SMYD3: variants seen among roughly 807,000 people sequenced by gnomAD.
SMYD3 encodes the protein SET and MYND domain containing 3.
In SMYD3, 36 loss-of-function variants were observed where a neutral mutation model predicts 57.7. That is an observed-to-expected ratio of 0.62 (90% CI 0.48 to 0.82). The LOEUF (loss-of-function observed/expected upper bound fraction) is 0.82, where lower values mean the gene tolerates loss of function less well. Ranked by LOEUF, SMYD3 falls within the 40% of genes least tolerant of loss-of-function variation. SMYD3 has a pLI of 0.00. For synonymous variants in SMYD3, 211 were observed against 195.0 expected (o/e 1.08, Z -0.68); for missense variants, 515 against 538.8 (o/e 0.96, Z 0.44).
chr1:245,858,448 A>C lies in SMYD3; in HGVS notation c.1076+48T>G, dbSNP rs376292302. On this transcript the variant is annotated intron_variant, in intron 10 of 11. Transcript: ENST00000490107. ...CTTCACAACATGGATCCTTTGCCCA[A>C]CGTGAAGACGTCCTAGCCCTTATGT... 7.8e-6 allele frequency: 12 copies of C among 1,545,042 alleles called. No individual in the cohort carries two copies. The East Asian group carries it at 2.5e-4, about 32-fold the overall frequency.
intron 5 of SMYD3, among the ~76,000 whole-genome samples, chr1:246,002,951 C>T (rs968222649): frequency 7.2e-5 from 11 of 152,188 alleles, no homozygotes; most frequent in African/African-American, 2.2e-4. Flanking sequence ...CATTCTTCGG[C>T]CTCACTGCAT....
intron 5 of SMYD3, among the ~76,000 whole-genome samples, chr1:245,987,917 A>G (rs1262540733): frequency 2.0e-5 from 3 of 152,160 alleles, no homozygotes; most frequent in Non-Finnish European, 4.4e-5. Context: ...AAAAAAGAAA[A>G]TCCAGTTTCT....
chr1:246,214,567 G>A (rs1313279247), intron 5 of SMYD3, among the ~76,000 whole-genome samples: 1 of 152,102 alleles, frequency 6.6e-6, no homozygotes. Context: ...AAAATAGCAT[G>A]CCAAAGTAAG....
intron 9 of SMYD3, among the ~76,000 whole-genome samples, chr1:245,862,361 C>T (rs1262871213): frequency 6.6e-6 from 1 of 152,068 alleles, no homozygotes; most frequent in East Asian, 1.9e-4. Context: ...TACTAAAGCC[C>T]TAAATTTTTT....
chr1:246,156,990 G>C (rs1017072968), intron 5 of SMYD3, among the ~76,000 whole-genome samples: 4 of 150,778 alleles, frequency 2.7e-5, no homozygotes, highest in African/African-American at 9.9e-5. Context: ...GGGATGCTAG[G>C]AGGTACGAGG....
Position 245,759,203 on chromosome 1 carries a change from A to G in SMYD3, c.1185+4838T>C, listed in dbSNP as rs529890741. Among the ~76,000 whole-genome samples the G allele has an allele frequency of 5.3e-5, 8 of 152,302 alleles. No homozygotes were observed. The South Asian group carries it at 1.7e-3, about 32-fold the overall frequency. ...AACTATTATTCTCTATTTGGAGGTC[A>G]GTAGGAATCACTCATAAATATTAGA... On this transcript the variant is annotated intron_variant, in intron 11 of 11. Transcript: ENST00000490107.
At chr1:245,945,240 G>C (rs2057393096) in intron 5 of SMYD3, among the ~76,000 whole-genome samples, 2 of 152,072 alleles carry the variant, frequency 1.3e-5, no homozygotes, top group African/African-American at 4.8e-5. Flanking sequence ...TCTAACAATG[G>C]TCTAATGTCC....
chr1:245,849,663 T>TTTG (rs1356969226), intron 10 of SMYD3, among the ~76,000 whole-genome samples: 3 of 151,938 alleles, frequency 2.0e-5, no homozygotes, highest in Non-Finnish European at 4.4e-5. Context: ...TATTATTTAT[T>TTTG]TTATTTTGAG....
chr1:245,772,780 G>T (rs769443009), intron 10 of SMYD3, among the ~76,000 whole-genome samples: 7 of 152,168 alleles, frequency 4.6e-5, no homozygotes, highest in Admixed American at 6.5e-5. Context: ...GAATAAAAGA[G>T]ACTTTCAATT....
intron 8 of SMYD3, among the ~76,000 whole-genome samples, chr1:245,896,633 G>A (rs558229369): frequency 7.2e-5 from 11 of 152,188 alleles, no homozygotes; most frequent in Admixed American, 5.9e-4. Context: ...AAAAGAGGCC[G>A]GGATAAACAA....
At chr1:246,277,235 C>G (rs569587183) in intron 5 of SMYD3, among the ~76,000 whole-genome samples, 2 of 151,474 alleles carry the variant, frequency 1.3e-5, no homozygotes, top group Admixed American at 1.3e-4. Flanking sequence ...AGAAGATGTA[C>G]AAATGACCAA....
intron 5 of SMYD3, among the ~76,000 whole-genome samples, chr1:245,966,704 C>T (rs765210755): frequency 1.3e-5 from 2 of 152,092 alleles, no homozygotes; most frequent in South Asian, 2.1e-4. Context: ...CAGATCATCT[C>T]GAGTCCTTAT....
intron 5 of SMYD3, among the ~76,000 whole-genome samples, chr1:246,260,755 T>C (rs2063992092): frequency 6.6e-6 from 1 of 151,828 alleles, no homozygotes; most frequent in Non-Finnish European, 1.5e-5. Flanking sequence ...GAAAAAAAGC[T>C]CATACAGTTT....
chr1:245,776,466 T>C (rs1245677852), intron 10 of SMYD3, among the ~76,000 whole-genome samples: 1 of 152,238 alleles, frequency 6.6e-6, no homozygotes, highest in Non-Finnish European at 1.5e-5. Context: ...AAATAGAAGA[T>C]GAAATATAGT....
intron 10 of SMYD3, among the ~76,000 whole-genome samples, chr1:245,826,130 C>G (rs7552356): frequency 2.0e-5 from 3 of 149,528 alleles, no homozygotes; most frequent in African/African-American, 7.4e-5. Context: ...TATATTCACA[C>G]TGTTGTATAA....
intron 1 of SMYD3, among the ~76,000 whole-genome samples, chr1:246,451,390 G>C (rs2067630456): frequency 6.6e-6 from 1 of 152,170 alleles, no homozygotes; most frequent in African/African-American, 2.4e-5. Flanking sequence ...AATGTGAAAA[G>C]GCTACACACT....
chr1:245,901,332 C>T (rs949476353), intron 8 of SMYD3, among the ~76,000 whole-genome samples: 6 of 152,094 alleles, frequency 3.9e-5, no homozygotes, highest in South Asian at 2.1e-4. Flanking sequence ...ATAACAATTA[C>T]GAAAGAATTC....
chr1:245,882,947 A>C (rs1013335176), intron 8 of SMYD3, among the ~76,000 whole-genome samples: 1 of 152,156 alleles, frequency 6.6e-6, no homozygotes, highest in Non-Finnish European at 1.5e-5. Context: ...TCAAGAGTAC[A>C]CTCTTTTTAG....
At chr1:245,758,313 T>C (rs1226450428) in intron 11 of SMYD3, among the ~76,000 whole-genome samples, 5 of 152,208 alleles carry the variant, frequency 3.3e-5, no homozygotes, top group Non-Finnish European at 7.4e-5. Context: ...CAGAGCTTTC[T>C]CCATATGAGA....
Sources: gnomAD v4.1 joint callset for allele counts (sites outside exome capture counted in the v4.1 genomes callset) on GRCh38, gnomAD v4.1.1 for gene constraint, MANE v1.5 for transcripts, NCBI Gene and HGNC (gene_info 2026-07-23, HGNC 2026-07-21) for gene names.